Variants in HCRTR2 observed in about 807,000 individuals in gnomAD.
HCRTR2 encodes orexin receptor type 2.
Under a neutral mutation model 49.0 loss-of-function variants are expected in HCRTR2, and 22 were observed. The observed-to-expected ratio is 0.45, with a 90% confidence interval of 0.32 to 0.64. The LOEUF (loss-of-function observed/expected upper bound fraction) is 0.64. HCRTR2 is among the 30% of genes least tolerant of loss of function. HCRTR2 has a pLI of 0.04. For missense variants in HCRTR2, 491 were observed against 559.4 expected (o/e 0.88, Z 1.23); for synonymous variants, 236 against 205.3 (o/e 1.15, Z -1.28).
intron 1 of HCRTR2, among the ~76,000 whole-genome samples, chr6:55,246,245 A>G (rs1476707084): frequency 6.6e-6 from 1 of 152,064 alleles, no homozygotes; most frequent in Non-Finnish European, 1.5e-5. Context: ...CACCAGGCTT[A>G]TGGTACTTTT....
At chr6:55,220,514 A>T (rs1056253331) in intron 1 of HCRTR2, among the ~76,000 whole-genome samples, 37 of 152,184 alleles carry the variant, frequency 2.4e-4, no homozygotes, top group African/African-American at 8.9e-4. Flanking sequence ...ACCCTTTCGT[A>T]ATAAAAATAC....
chr6:55,190,106 A>C (rs1765290928), intron 1 of HCRTR2, among the ~76,000 whole-genome samples: 1 of 151,866 alleles, frequency 6.6e-6, no homozygotes, highest in Admixed American at 6.5e-5. Context: ...TGGAGTAATT[A>C]AAAGCATACA....
At chr6:55,120,709 T>C (rs1764186140) in intron 1 of HCRTR2, among the ~76,000 whole-genome samples, 1 of 151,978 alleles carries the variant, frequency 6.6e-6, no homozygotes, top group African/African-American at 2.4e-5. Context: ...CAGAGACAAT[T>C]TGACTTCCTC....
intron 1 of HCRTR2, among the ~76,000 whole-genome samples, chr6:55,242,809 A>C (rs1436560493): frequency 6.6e-6 from 1 of 152,236 alleles, no homozygotes; most frequent in Non-Finnish European, 1.5e-5. Flanking sequence ...GTAAGATACT[A>C]AAACAAAAGC....
In HCRTR2 at chr6:55,255,395, C is replaced by A; in HGVS notation, c.646+16C>A. Reference sequence around the variant, plus strand: ...CGCTGGGGTGGTAAGTACCTTATGGCCCATCAACTGACATTTATATTACAG... The same window carrying A: ...CGCTGGGGTGGTAAGTACCTTATGGACCATCAACTGACATTTATATTACAG... On this transcript the variant is annotated intron_variant, in intron 3 of 6. Coordinates refer to ENST00000370862, the MANE Select transcript of HCRTR2 (RefSeq NM_001384272.1). The A allele has an allele frequency of 6.2e-7, 1 of 1,613,612 alleles. No individual in the cohort carries two copies. Among genetic ancestry groups the A allele is most frequent in the South Asian group, 1.1e-5 (1 of 91,060 alleles).
chr6:55,271,627 C>A (rs1581870126), intron 4 of HCRTR2, among the ~76,000 whole-genome samples: 1 of 151,916 alleles, frequency 6.6e-6, no homozygotes, highest in Non-Finnish European at 1.5e-5. Flanking sequence ...ATTTGCAAAT[C>A]ATATATGTGT....
At chr6:55,208,750 A>G (rs1459939556) in intron 1 of HCRTR2, among the ~76,000 whole-genome samples, 9 of 152,208 alleles carry the variant, frequency 5.9e-5, no homozygotes, top group Non-Finnish European at 1.2e-4. Flanking sequence ...TTACATCTGT[A>G]ATGTAATGCA....
intron 1 of HCRTR2, among the ~76,000 whole-genome samples, chr6:55,197,795 G>A (rs1765444104): frequency 6.6e-6 from 1 of 152,036 alleles, no homozygotes; most frequent in Admixed American, 6.6e-5. Flanking sequence ...CTAATTTGTT[G>A]TATTTTTGGC....
At chr6:55,203,649 G>A (rs955845237) in intron 1 of HCRTR2, among the ~76,000 whole-genome samples, 2 of 152,106 alleles carry the variant, frequency 1.3e-5, no homozygotes, top group African/African-American at 4.8e-5. Flanking sequence ...CACTGATAAG[G>A]TGACATTTGA....
At chr6:55,131,297 G>A (rs976247346) in intron 1 of HCRTR2, among the ~76,000 whole-genome samples, 2 of 151,578 alleles carry the variant, frequency 1.3e-5, no homozygotes, top group Non-Finnish European at 3.0e-5. Flanking sequence ...CCTGTTTGGG[G>A]AATGTATTTG....
upstream of HCRTR2, chr6:55,174,481 C>G (rs1764999192): frequency 6.4e-6 from 6 of 936,818 alleles, no homozygotes; most frequent in Non-Finnish European, 5.3e-6. Flanking sequence ...TGCTCGGGAG[C>G]CCCTTCTAGC....
At chr6:55,141,666 G>A (rs951445294) in intron 1 of HCRTR2, among the ~76,000 whole-genome samples, 3 of 152,132 alleles carry the variant, frequency 2.0e-5, no homozygotes, top group African/African-American at 7.2e-5. Context: ...GAACCCAGCT[G>A]TTGGATGTTC....
intron 4 of HCRTR2, among the ~76,000 whole-genome samples, chr6:55,268,671 G>T (rs565284314): frequency 1.3e-5 from 2 of 152,236 alleles, no homozygotes; most frequent in South Asian, 4.1e-4. Context: ...TATAAAAGTT[G>T]TAAACATACA....
At chr6:55,210,978 C>T (rs1303579052) in intron 1 of HCRTR2, among the ~76,000 whole-genome samples, 1 of 152,124 alleles carries the variant, frequency 6.6e-6, no homozygotes, top group East Asian at 1.9e-4. Context: ...TAATACCATG[C>T]TTTTCTGTAC....
At chr6:55,112,462 CA>C (rs1367228953) in intron 1 of HCRTR2, among the ~76,000 whole-genome samples, 1 of 147,102 alleles carries the variant, frequency 6.8e-6, no homozygotes, top group African/African-American at 2.5e-5. Context: ...GATACAAAAT[CA>C]AGGTACACAA....
chr6:55,174,793 T>C lies in HCRTR2; in HGVS notation c.206T>C (p.Leu69Pro). Residue 69 changes from leucine (L) to proline (P), a missense_variant, in exon 1 of 7, where the codon CTC becomes CCC. Transcript: ENST00000370862. ...AGYIIVFVVALIGNVLVCVAV... is the reference protein window; with the variant it reads ...AGYIIVFVVAPIGNVLVCVAV... ...TACATCATCGTGTTCGTCGTGGCTC[T>C]CATTGGGAACGTCCTGGGTGAGTCT... 2 of 1,614,026 alleles carry C rather than the reference T, an allele frequency of 1.2e-6. No homozygotes were observed. Among genetic ancestry groups the C allele is most frequent in the Non-Finnish European group, 8.5e-7 (1 of 1,179,966 alleles).
chr6:55,189,723 C>T (rs936905435), intron 1 of HCRTR2, among the ~76,000 whole-genome samples: 9 of 152,100 alleles, frequency 5.9e-5, no homozygotes, highest in African/African-American at 2.2e-4. Context: ...ATAGGTGTAG[C>T]AAACTATGAT....
rs1491266236 is a variant in HCRTR2, at chr6:55,200,235, T to TTTTGTG, written c.223+25426_223+25427insTTGTGT. 1.2e-4 allele frequency among the ~76,000 whole-genome samples: 16 copies of TTTTGTG among 135,384 alleles called. No homozygotes were observed. In the East Asian group the frequency reaches 1.6e-3, roughly 13 times the overall value. The allele number at this position is 135,384 out of a possible 152,430, so 88.8% of individuals were successfully genotyped here. A position where few individuals can be genotyped will look rare whatever the true frequency, so the allele number is the denominator to read the frequency against. ...TATGTTTTTGTACTTGTTTGCTGTC[T>TTTTGTG]TGTGTGTGTGTGTGTGTGTGTGTGT... On this transcript the variant is annotated intron_variant, in intron 1 of 6. Coordinates refer to ENST00000370862, the MANE Select transcript of HCRTR2 (RefSeq NM_001384272.1).
intron 1 of HCRTR2, among the ~76,000 whole-genome samples, chr6:55,157,159 T>C (rs1052465698): frequency 3.3e-5 from 5 of 152,126 alleles, no homozygotes; most frequent in African/African-American, 1.2e-4. Context: ...CCAGAGTTAA[T>C]AAATGGGTTC....
Sources: allele counts gnomAD v4.1 joint callset (sites outside exome capture counted in the v4.1 genomes callset), GRCh38; gene constraint gnomAD v4.1.1; transcripts MANE v1.5; gene names NCBI Gene and HGNC (gene_info 2026-07-23, HGNC 2026-07-21).